Variants in CEP350 observed in about 807,000 individuals in gnomAD.
CEP350 encodes the protein centrosomal protein 350.
A neutral mutation model predicts 331.8 loss-of-function variants in CEP350; 126 were observed. That is an observed-to-expected ratio of 0.38 (90% CI 0.33 to 0.44). CEP350 has a LOEUF of 0.44. CEP350 is among the 20% of genes least tolerant of loss of function. The pLI, the probability that CEP350 is intolerant of heterozygous loss-of-function variation, is 1.00. For synonymous variants in CEP350, 1,200 were observed against 1,259.5 expected (o/e 0.95, Z 1.00); for missense variants, 3,406 against 3,634.6 (o/e 0.94, Z 1.62).
intron 1 of CEP350, among the ~76,000 whole-genome samples, chr1:179,982,360 C>CT (rs1408961260): frequency 6.6e-6 from 1 of 152,164 alleles, no homozygotes; most frequent in Non-Finnish European, 1.5e-5. Flanking sequence ...ATTCAACTAT[C>CT]TTTTTGCATG....
intron 7 of CEP350, among the ~76,000 whole-genome samples, chr1:180,004,893 TGC>T (rs1491308709): frequency 0.013 from 616 of 45,912 alleles, 6 homozygotes; most frequent in Middle Eastern, 0.018. Flanking sequence ...CTTGCTTGCT[TGC>T]TTGCTTGCTT....
At chr1:180,048,019 A>C (rs920412931) in intron 21 of CEP350, among the ~76,000 whole-genome samples, 1 of 152,222 alleles carries the variant, frequency 6.6e-6, no homozygotes, top group African/African-American at 2.4e-5. Context: ...AGATTATTCT[A>C]ACATTTTACT....
At chr1:180,108,589 T>C (rs935985892) in intron 37 of CEP350, among the ~76,000 whole-genome samples, 2 of 152,182 alleles carry the variant, frequency 1.3e-5, no homozygotes, top group Non-Finnish European at 2.9e-5. Flanking sequence ...ATTGGGGATG[T>C]GAAATTTTTT....
chr1:180,071,558 C>T (rs893273715), intron 27 of CEP350, among the ~76,000 whole-genome samples: 2 of 151,924 alleles, frequency 1.3e-5, no homozygotes, highest in Non-Finnish European at 2.9e-5. Context: ...AGATGGATCA[C>T]CTGAGGTCAG....
Position 180,011,955 on chromosome 1 carries a change from T to C in CEP350, c.1273T>C (p.Ser425Pro). 1 of 1,602,834 alleles carries C rather than the reference T, an allele frequency of 6.2e-7. No homozygotes were observed. Among genetic ancestry groups the C allele is most frequent in the Non-Finnish European group, 8.5e-7 (1 of 1,173,828 alleles). The change falls in exon 9 of 38, where the codon TCT (serine) becomes CCT (proline). Residue 425 changes from serine to proline, a missense_variant. This residue lies in a region of CEP350 where 1,857 missense variants were observed against 1,909.2 expected (regional missense o/e 0.97). Transcript: ENST00000367607. ...TAGTAGTCATCTTATAAGTACATCT[T>C]CTTGGCGAGATGGACAAAAATTAGT... Reference protein sequence around the residue: ...TGSSHLISTSSWRDGQKLVKK... With the variant: ...TGSSHLISTSPWRDGQKLVKK...
chr1:180,096,238 A>G (rs1176346031), intron 36 of CEP350, 54 bp downstream of exon 36: 1 of 1,498,724 alleles, frequency 6.7e-7, no homozygotes, highest in Non-Finnish European at 8.9e-7. Flanking sequence ...TCATTTACAC[A>G]TATCTGTAAA....
At chr1:180,071,356 G>A (rs564687151) in intron 27 of CEP350, among the ~76,000 whole-genome samples, 1 of 150,956 alleles carries the variant, frequency 6.6e-6, no homozygotes, top group Non-Finnish European at 1.5e-5. Context: ...CTACTCAAGA[G>A]GCTGAGGCAG....
rs753415248 is a variant in CEP350 at position 180,093,739 on chromosome 1, T to C, written c.7634T>C (p.Ile2545Thr). Residue 2545 changes from isoleucine to threonine, a missense_variant, in exon 34 of 38, where the codon ATT becomes ACT. Physicochemically the swap from Ile to Thr is moderately conservative, Grantham distance 89. Coordinates refer to ENST00000367607, the MANE Select transcript of CEP350 (RefSeq NM_014810.5). ...EGNNNGTYDGIAYFECKEKHG... is the reference protein window; with the variant it reads ...EGNNNGTYDGTAYFECKEKHG... ...AATAACAATGGAACATATGATGGTATTGCATATTTTGAGTGCAAAGAAAAG... is the reference window on the plus strand; with the variant it reads ...AATAACAATGGAACATATGATGGTACTGCATATTTTGAGTGCAAAGAAAAG... The C allele has an allele frequency of 1.2e-6, 2 of 1,613,964 alleles. No homozygotes were observed. The highest frequency in any genetic ancestry group is 3.3e-5 in the Admixed American group (2 of 60,026).
chr1:179,987,212 ATAAAG>A (rs760161541), intron 2 of CEP350, 23 bp from the exon 3 acceptor site: 26 of 1,312,092 alleles, frequency 2.0e-5, no homozygotes, highest in Non-Finnish European at 2.5e-5. Flanking sequence ...TGGTTGATTG[ATAAAG>A]TAAATATCAT....
At chr1:179,955,950 G>A (rs915677178) in intron 1 of CEP350, among the ~76,000 whole-genome samples, 12 of 152,136 alleles carry the variant, frequency 7.9e-5, no homozygotes, top group Non-Finnish European at 1.5e-4. Context: ...CCATGTTAAC[G>A]ATACCTCCTG....
intron 27 of CEP350, among the ~76,000 whole-genome samples, chr1:180,065,762 CA>C (rs1048256025): frequency 2.7e-5 from 4 of 150,212 alleles, no homozygotes; most frequent in Admixed American, 6.6e-5. Flanking sequence ...TGTCCCCCCC[CA>C]AAAAAAAAGT....
intron 37 of CEP350, among the ~76,000 whole-genome samples, chr1:180,108,522 G>A (rs1441116397): frequency 6.6e-6 from 1 of 152,046 alleles, no homozygotes; most frequent in Non-Finnish European, 1.5e-5. Context: ...GGGCGGGGTG[G>A]GGGACTAAAA....
In CEP350 at chr1:180,044,173, G is replaced by A. The variant is rs77461814; in HGVS notation, c.4622G>A (p.Arg1541Lys). The A allele has an allele frequency of 1.1e-4, 167 of 1,555,986 alleles. 1 individual carries two copies. The African/African-American group carries it at 2.1e-3, about 19-fold the overall frequency. Reference protein sequence around the residue: ...ESSGYKNHDRRSSSGSSRQES... With the variant: ...ESSGYKNHDRKSSSGSSRQES... ...TCAGGATACAAGAATCATGATAGAAGGTGAAGACAATTTGATTTCTTTGTC... is the reference window on the plus strand; with the variant it reads ...TCAGGATACAAGAATCATGATAGAAAGTGAAGACAATTTGATTTCTTTGTC... The change falls in exon 21 of 38, where the codon AGA becomes AAA. Residue 1541 changes from arginine to lysine, a missense_variant and splice_region_variant. By Grantham distance (26) the Arg-to-Lys change is conservative. Transcript: ENST00000367607.
intron 1 of CEP350, among the ~76,000 whole-genome samples, chr1:179,973,488 G>A (rs555729871): frequency 1.3e-5 from 2 of 152,066 alleles, no homozygotes; most frequent in African/African-American, 2.4e-5. Flanking sequence ...ATCCAGTAAC[G>A]TTTATATGTA....
At position 180,041,764 on chromosome 1, in the gene CEP350, G is replaced by C; in HGVS notation, c.4324G>C (p.Ala1442Pro). Residue 1442 changes from alanine (A) to proline (P), a missense_variant, in exon 19 of 38, where the codon GCT becomes CCT. Ala to Pro is a conservative substitution (Grantham distance 27). Coordinates refer to ENST00000367607, the MANE Select transcript of CEP350 (RefSeq NM_014810.5). Reference protein sequence around the residue: ...CKIAAQQSETARLTTDAARQI... With the variant: ...CKIAAQQSETPRLTTDAARQI... ...AATAGCAGCTCAGCAGTCAGAAACT[G>C]CTCGCCTCACCACAGACGCAGCACG... The C allele has an allele frequency of 6.2e-7, 1 of 1,613,068 alleles. No homozygotes were observed. Among genetic ancestry groups the C allele is most frequent in the Non-Finnish European group, 8.5e-7 (1 of 1,179,500 alleles).
chr1:179,983,184 T>C (rs528012797), intron 1 of CEP350, among the ~76,000 whole-genome samples: 1 of 152,330 alleles, frequency 6.6e-6, no homozygotes, highest in East Asian at 1.9e-4. Context: ...TTCAGGAAAC[T>C]TGTTTACTTT....
At chr1:179,971,596 G>C (rs765606569) in intron 1 of CEP350, among the ~76,000 whole-genome samples, 1 of 152,168 alleles carries the variant, frequency 6.6e-6, no homozygotes, top group Non-Finnish European at 1.5e-5. Context: ...AAAGCGCTGG[G>C]ATTACAGGTG....
At chr1:180,000,637 A>C (rs545756286) in intron 6 of CEP350, 1 of 188,122 alleles carries the variant, frequency 5.3e-6, no homozygotes, top group African/African-American at 2.4e-5. Flanking sequence ...TCTGAATCCA[A>C]ATACAAAGAT....
rs145772289 is a variant in CEP350 at position 180,098,116 on chromosome 1, A to G, written c.9067-747A>G. Among the ~76,000 whole-genome samples, 592 of 152,172 alleles carry G rather than the reference A, an allele frequency of 3.9e-3. 13 individuals carry two copies. The East Asian group carries it at 0.066, about 17-fold the overall frequency. On this transcript the variant is annotated intron_variant, in intron 36 of 37. Transcript: ENST00000367607. ...CTCCTGAGTAGCTGGGATTACAGGC[A>G]TGCGCTACCTCACCCAGCTAATTTT... is the stretch of plus-strand genomic sequence containing the variant.
Sources: gnomAD v4.1 joint callset for allele counts (sites outside exome capture counted in the v4.1 genomes callset) on GRCh38, gnomAD v4.1.1 for gene constraint, gnomAD v4.1.1 regional missense constraint, MANE v1.5 for transcripts, NCBI Gene and HGNC (gene_info 2026-07-23, HGNC 2026-07-21) for gene names.